The following STXBP6 variants were observed in gnomAD, a reference collection of about 807,000 sequenced individuals.
STXBP6 encodes syntaxin-binding protein 6.
Under a neutral mutation model 26.9 loss-of-function variants are expected in STXBP6, and 21 were observed. The ratio of observed to expected loss-of-function variants is 0.78; its 90% CI spans 0.55 to 1.12. STXBP6 has a LOEUF of 1.12. Among genes scored for constraint, STXBP6 ranks in the 50% most tolerant of loss-of-function variants. The pLI is 0.00. For synonymous variants in STXBP6, 97 were observed against 92.6 expected (o/e 1.05, Z -0.27); for missense variants, 232 against 257.9 (o/e 0.90, Z 0.69).
At chr14:24,917,110 G>A (rs141204231) in intron 2 of STXBP6, among the ~76,000 whole-genome samples, 3 of 152,130 alleles carry the variant, frequency 2.0e-5, no homozygotes, top group Non-Finnish European at 4.4e-5. Flanking sequence ...AAATGCAATT[G>A]TGTCCCTGGT....
At chr14:24,949,011 A>G (rs1389576641) in intron 2 of STXBP6, among the ~76,000 whole-genome samples, 2 of 152,166 alleles carry the variant, frequency 1.3e-5, no homozygotes, top group Non-Finnish European at 2.9e-5. Flanking sequence ...AGTGACATCA[A>G]TGGGGGAGAG....
chr14:25,044,897 A>G (rs1252222287), intron 1 of STXBP6, among the ~76,000 whole-genome samples: 1 of 152,212 alleles, frequency 6.6e-6, no homozygotes, highest in Non-Finnish European at 1.5e-5. Flanking sequence ...AATGTCCCTT[A>G]TCTATCAAAG....
chr14:24,982,504 G>A (rs575323292), intron 1 of STXBP6, among the ~76,000 whole-genome samples: 8 of 152,254 alleles, frequency 5.3e-5, no homozygotes, highest in East Asian at 1.9e-4. Flanking sequence ...CAACACAACC[G>A]TACACAACAG....
intron 2 of STXBP6, among the ~76,000 whole-genome samples, chr14:24,907,963 C>A (rs1160156614): frequency 6.6e-6 from 1 of 152,052 alleles, no homozygotes; most frequent in Non-Finnish European, 1.5e-5. Context: ...AGCTAAGGAA[C>A]CCCAAATCTG....
intron 2 of STXBP6, among the ~76,000 whole-genome samples, chr14:24,893,499 T>G (rs945128492): frequency 1.3e-5 from 2 of 152,218 alleles, no homozygotes; most frequent in African/African-American, 4.8e-5. Context: ...CTTGCTCAGT[T>G]GGGAAATTCC....
chr14:25,031,798 C>G (rs995131531), intron 1 of STXBP6, among the ~76,000 whole-genome samples: 1 of 150,264 alleles, frequency 6.7e-6, no homozygotes, highest in Non-Finnish European at 1.5e-5. Context: ...GCTATTATTG[C>G]CCACCATCTC....
chr14:24,942,074 T>C (rs1052961481), intron 2 of STXBP6, among the ~76,000 whole-genome samples: 6 of 152,210 alleles, frequency 3.9e-5, no homozygotes, highest in African/African-American at 9.7e-5. Flanking sequence ...AAATCTGCTG[T>C]TGGGGACACA....
intron 2 of STXBP6, among the ~76,000 whole-genome samples, chr14:24,923,639 T>C (rs995072248): frequency 1.3e-5 from 2 of 152,198 alleles, no homozygotes; most frequent in Admixed American, 6.5e-5. Context: ...TCCACTCTGA[T>C]GAGAGTGAAA....
chr14:24,933,409 A>C (rs2072491315), intron 2 of STXBP6, among the ~76,000 whole-genome samples: 2 of 152,112 alleles, frequency 1.3e-5, no homozygotes, highest in Non-Finnish European at 2.9e-5. Context: ...CATAGAAAGG[A>C]GTAGAAGATT....
chr14:25,036,453 T>C (rs959044371), intron 1 of STXBP6, among the ~76,000 whole-genome samples: 1 of 152,082 alleles, frequency 6.6e-6, no homozygotes, highest in Non-Finnish European at 1.5e-5. Context: ...GGGCATTCCT[T>C]TCAGGAAAAA....
chr14:24,907,812 T>C (rs1220635324), intron 2 of STXBP6, among the ~76,000 whole-genome samples: 1 of 152,128 alleles, frequency 6.6e-6, no homozygotes, highest in Non-Finnish European at 1.5e-5. Context: ...AACCAAACCC[T>C]TGTTTTCCAT....
At chr14:24,989,539 G>A (rs759534108) in intron 1 of STXBP6, among the ~76,000 whole-genome samples, 6 of 152,162 alleles carry the variant, frequency 3.9e-5, no homozygotes, top group African/African-American at 1.4e-4. Context: ...CTCCCAATAT[G>A]CCAGCTGCTC....
chr14:25,017,128 A>G (rs2075166769), intron 1 of STXBP6, among the ~76,000 whole-genome samples: 1 of 152,040 alleles, frequency 6.6e-6, no homozygotes, highest in African/African-American at 2.4e-5. Flanking sequence ...GTGTAATAAG[A>G]ATTTTTTATT....
chr14:24,978,726 T>G (rs1162553995), intron 1 of STXBP6, among the ~76,000 whole-genome samples: 1 of 152,250 alleles, frequency 6.6e-6, no homozygotes, highest in African/African-American at 2.4e-5. Flanking sequence ...CAGTTAGTTC[T>G]GATCTTCTCA....
chr14:24,970,695 A>T (rs886950735), intron 2 of STXBP6, among the ~76,000 whole-genome samples: 3 of 152,160 alleles, frequency 2.0e-5, no homozygotes, highest in African/African-American at 7.2e-5. Flanking sequence ...CTTGTGTATA[A>T]GTCTTTAGGT....
chr14:24,961,925 AAT>A (rs1401669266), intron 2 of STXBP6, among the ~76,000 whole-genome samples: 1 of 152,172 alleles, frequency 6.6e-6, no homozygotes, highest in African/African-American at 2.4e-5. Flanking sequence ...AAAAAACATA[AAT>A]ATGTTTGGTT....
chr14:24,937,140 C>T (rs961976580), intron 2 of STXBP6, among the ~76,000 whole-genome samples: 4 of 152,084 alleles, frequency 2.6e-5, no homozygotes, highest in Non-Finnish European at 4.4e-5. Flanking sequence ...GGCCTGTCGG[C>T]GGGTGAGGGT....
intron 1 of STXBP6, among the ~76,000 whole-genome samples, chr14:24,991,566 T>C (rs57055048): frequency 6.6e-6 from 1 of 152,208 alleles, no homozygotes; most frequent in Non-Finnish European, 1.5e-5. Context: ...CTCAGTTCAC[T>C]GAGCTTTTAT....
intron 1 of STXBP6, among the ~76,000 whole-genome samples, chr14:24,987,182 T>C (rs2074353985): frequency 6.6e-6 from 1 of 152,142 alleles, no homozygotes; most frequent in Non-Finnish European, 1.5e-5. Context: ...ACAAATGTGA[T>C]CGGGATCACC....
Sources: gnomAD v4.1 joint callset for allele counts (sites outside exome capture counted in the v4.1 genomes callset) on GRCh38, gnomAD v4.1.1 for gene constraint, MANE v1.5 for transcripts, NCBI Gene and HGNC (gene_info 2026-07-23, HGNC 2026-07-21) for gene names.